KDM1A: variants seen among roughly 807,000 people sequenced by gnomAD.
KDM1A encodes the protein lysine demethylase 1A, also known as lysine-specific histone demethylase 1A.
Under a neutral mutation model 109.4 loss-of-function variants are expected in KDM1A, and 49 were observed. The observed-to-expected ratio is 0.45, with a 90% CI of 0.36 to 0.57. The LOEUF is 0.57. Among genes scored for constraint, KDM1A ranks in the 20% least tolerant of loss-of-function variants. KDM1A has a pLI of 0.00. For synonymous variants in KDM1A, 380 were observed against 415.4 expected (o/e 0.91, Z 1.04); for missense variants, 668 against 1,116.6 (o/e 0.60, Z 5.73).
At chr1:23,059,743 T>G (rs1642946180) in intron 9 of KDM1A, among the ~76,000 whole-genome samples, 1 of 152,212 alleles carries the variant, frequency 6.6e-6, no homozygotes, top group Admixed American at 6.5e-5. Flanking sequence ...TAAGATAAGC[T>G]TAGATTACAT....
chr1:23,069,881 G>A (rs942182085), intron 12 of KDM1A, among the ~76,000 whole-genome samples: 2 of 152,230 alleles, frequency 1.3e-5, no homozygotes, highest in Admixed American at 6.5e-5. Context: ...TGCAAAGGTC[G>A]CATCAGCTTA....
intron 9 of KDM1A, among the ~76,000 whole-genome samples, chr1:23,061,330 C>T (rs1642994274): frequency 6.6e-6 from 1 of 152,132 alleles, no homozygotes; most frequent in African/African-American, 2.4e-5. Flanking sequence ...CCAGGACCAG[C>T]CCTTTGAGTA....
chr1:23,031,684 G>T (rs978085942), intron 2 of KDM1A, among the ~76,000 whole-genome samples: 1 of 152,020 alleles, frequency 6.6e-6, no homozygotes, highest in African/African-American at 2.4e-5. Flanking sequence ...CTTAGGTTTG[G>T]AGCTTATCAA....
Position 23,079,320 on chromosome 1 carries a change from T to TG in KDM1A, c.2055+144dup, listed in dbSNP as rs2124545593. 1 of 819,642 alleles carries TG rather than the reference T, an allele frequency of 1.2e-6. No individual in the cohort carries two copies. Among genetic ancestry groups the TG allele is most frequent in the African/African-American group, 1.7e-5 (1 of 58,198 alleles). 50.8% of individuals were successfully genotyped at this position (819,642 alleles called of 1,614,324 possible). A position where few individuals can be genotyped will look rare whatever the true frequency, so the allele number is the denominator to read the frequency against. ...GACATCAGGGCTGAGGCGTGTCAGT[T>TG]GATTCTCTTCAGTGCCTAAGTCTAT... On this transcript the variant is annotated intron_variant, in intron 17 of 20. Coordinates refer to ENST00000400181, the MANE Select transcript of KDM1A (RefSeq NM_001009999.3). This position sits in a 1 kb window ranked among gnomAD's most constrained non-coding sequence, Gnocchi z 5.6.
intron 10 of KDM1A, 52 bp downstream of exon 10, chr1:23,066,123 C>A: frequency 8.0e-7 from 1 of 1,242,802 alleles, no homozygotes; most frequent in Non-Finnish European, 1.2e-6. Flanking sequence ...TACAATAACC[C>A]ATTAAAAGCT....
chr1:23,040,370 A>G (rs1383987993), intron 2 of KDM1A, among the ~76,000 whole-genome samples: 2 of 152,210 alleles, frequency 1.3e-5, no homozygotes, highest in Non-Finnish European at 2.9e-5. Flanking sequence ...TATAACTACA[A>G]CACTTCACGC....
At chr1:23,020,570 A>G (rs923887601) in intron 1 of KDM1A, 7 of 152,060 alleles carry the variant, frequency 4.6e-5, no homozygotes, top group African/African-American at 1.4e-4. Context: ...TGAGAGAGCA[A>G]ATAATAGTCA....
chr1:23,040,339 G>A (rs1035333047), intron 2 of KDM1A, among the ~76,000 whole-genome samples: 1 of 152,140 alleles, frequency 6.6e-6, no homozygotes, highest in African/African-American at 2.4e-5. Flanking sequence ...ATTCAGATGA[G>A]AAAACATTCA....
chr1:23,058,973 T>G, intron 8 of KDM1A, 100 bp from the exon 9 acceptor site: 1 of 671,620 alleles, frequency 1.5e-6, no homozygotes, highest in Non-Finnish European at 2.3e-6. Context: ...ACTGTAAGCT[T>G]TTGAGCTTTT....
At chr1:23,054,352 G>GT (rs1271909864) in intron 5 of KDM1A, among the ~76,000 whole-genome samples, 1 of 152,154 alleles carries the variant, frequency 6.6e-6, no homozygotes, top group East Asian at 1.9e-4. Context: ...GAGCCCAGGA[G>GT]TTTGAGTTCA....
intron 2 of KDM1A, among the ~76,000 whole-genome samples, chr1:23,031,803 A>C (rs1641990264): frequency 6.6e-6 from 1 of 152,252 alleles, no homozygotes; most frequent in South Asian, 2.1e-4. Context: ...GTTTCAGTTC[A>C]TTCAAAAGTC....
chr1:23,025,641 T>A (rs537887386), intron 1 of KDM1A, among the ~76,000 whole-genome samples: 3 of 152,170 alleles, frequency 2.0e-5, no homozygotes, highest in South Asian at 2.1e-4. Flanking sequence ...GTGTATTTTT[T>A]AAATTTAGAA....
intron 1 of KDM1A, among the ~76,000 whole-genome samples, chr1:23,023,640 GTTC>G (rs1641708472): frequency 6.6e-6 from 1 of 152,074 alleles, no homozygotes; most frequent in Non-Finnish European, 1.5e-5. Flanking sequence ...CCTCAACTTT[GTTC>G]TTCTTTTGCA....
Position 23,067,495 on chromosome 1 carries a change from T to G in KDM1A, c.1180-1044T>G, listed in dbSNP as rs187114324. Among the ~76,000 whole-genome samples, 78 of 152,338 alleles carry G rather than the reference T, an allele frequency of 5.1e-4. 1 individual carries two copies. Among genetic ancestry groups the G allele is most frequent in the Non-Finnish European group, 1.0e-4 (7 of 68,030 alleles). On this transcript the variant is annotated intron_variant, in intron 10 of 20. Coordinates refer to ENST00000400181, the MANE Select transcript of KDM1A (RefSeq NM_001009999.3). ...GTAGAATCTTACTGGGATGGTCTTG[T>G]CAACAGTCAGTTACCTCTGATTGTA...
At chr1:23,032,813 G>T (rs1642027839) in intron 2 of KDM1A, among the ~76,000 whole-genome samples, 1 of 152,162 alleles carries the variant, frequency 6.6e-6, no homozygotes, top group African/African-American at 2.4e-5. Context: ...TAAGTCTTTT[G>T]TCTTTCACAA....
chr1:23,053,085 T>C (rs1642719487), intron 4 of KDM1A, among the ~76,000 whole-genome samples: 1 of 152,242 alleles, frequency 6.6e-6, no homozygotes, highest in African/African-American at 2.4e-5. Context: ...CTTGACACCT[T>C]TCTCCCCAAC....
intron 2 of KDM1A, among the ~76,000 whole-genome samples, chr1:23,043,962 T>C (rs1178889879): frequency 6.6e-6 from 1 of 152,256 alleles, no homozygotes; most frequent in Non-Finnish European, 1.5e-5. Context: ...AGTCTTTTAA[T>C]TATACTCCTT....
chr1:23,036,929 T>C (rs1052105478), intron 2 of KDM1A, among the ~76,000 whole-genome samples: 1 of 152,146 alleles, frequency 6.6e-6, no homozygotes, highest in African/African-American at 2.4e-5. Flanking sequence ...TTTGTCACAG[T>C]CACAGTGCTG....
intron 1 of KDM1A, among the ~76,000 whole-genome samples, chr1:23,021,427 C>A (rs756108707): frequency 1.1e-4 from 17 of 152,162 alleles, no homozygotes; most frequent in Non-Finnish European, 1.9e-4. Context: ...TTTGGGAGGC[C>A]AAGGCGGGTG....
Sources: gnomAD v4.1 joint callset for allele counts (sites outside exome capture counted in the v4.1 genomes callset) on GRCh38, gnomAD v4.1.1 for gene constraint, Gnocchi (gnomAD v3.1) non-coding constraint, MANE v1.5 for transcripts, NCBI Gene and HGNC (gene_info 2026-07-23, HGNC 2026-07-21) for gene names.